The following VAV3 variants were observed in gnomAD, a reference collection of about 807,000 sequenced individuals.
The protein encoded by VAV3 is vav guanine nucleotide exchange factor 3, also known as guanine nucleotide exchange factor VAV3.
Under a neutral mutation model 131.2 loss-of-function variants are expected in VAV3, and 94 were observed. The ratio of observed to expected loss-of-function variants is 0.72; its 90% CI spans 0.61 to 0.85. VAV3 has a LOEUF of 0.85. Among genes scored for constraint, VAV3 ranks in the 40% least tolerant of loss-of-function variants. The pLI, the probability that VAV3 is intolerant of heterozygous loss-of-function variation, is 0.00. For synonymous variants in VAV3, 349 were observed against 342.0 expected, an observed-to-expected ratio of 1.02 and a Z score of -0.22; for missense variants, 939 against 1,002.7, an observed-to-expected ratio of 0.94 and a Z score of 0.86.
intron 21 of VAV3, among the ~76,000 whole-genome samples, chr1:107,617,080 T>G (rs561387671): frequency 6.6e-6 from 1 of 152,274 alleles, no homozygotes; most frequent in East Asian, 1.9e-4. Context: ...TTCAGAAAAT[T>G]CCATTATGAC....
intron 1 of VAV3, among the ~76,000 whole-genome samples, chr1:107,880,988 G>C (rs532544512): frequency 3.3e-5 from 5 of 152,100 alleles, no homozygotes; most frequent in Non-Finnish European, 7.4e-5. Flanking sequence ...CACATACTGA[G>C]GCTTAGAGAT....
At chr1:107,701,197 T>G (rs1660108985) in intron 17 of VAV3, among the ~76,000 whole-genome samples, 1 of 152,168 alleles carries the variant, frequency 6.6e-6, no homozygotes, top group Admixed American at 6.5e-5. Flanking sequence ...TAGACTCTGG[T>G]TATTAGATCT....
intron 1 of VAV3, among the ~76,000 whole-genome samples, chr1:107,962,602 T>C (rs989266411): frequency 5.3e-5 from 8 of 152,204 alleles, no homozygotes; most frequent in Non-Finnish European, 1.2e-4. Flanking sequence ...AGCATCCACT[T>C]GTTCAGCAGC....
intron 2 of VAV3, among the ~76,000 whole-genome samples, chr1:107,782,145 TAAC>T (rs1665724027): frequency 6.6e-6 from 1 of 152,200 alleles, no homozygotes; most frequent in Admixed American, 6.5e-5. Flanking sequence ...CACTACTTAA[TAAC>T]AAGAAAAATA....
intron 9 of VAV3, among the ~76,000 whole-genome samples, chr1:107,764,135 C>A (rs906443010): frequency 1.3e-5 from 2 of 150,164 alleles, no homozygotes; most frequent in African/African-American, 4.9e-5. Flanking sequence ...TACAAAAAAA[C>A]ACGACTTAAC....
intron 1 of VAV3, among the ~76,000 whole-genome samples, chr1:107,920,150 C>A (rs1672825447): frequency 2.6e-5 from 4 of 152,176 alleles, no homozygotes; most frequent in Admixed American, 2.0e-4. Context: ...ACTTCAAGAT[C>A]TATAACTCAC....
chr1:107,918,430 A>C (rs1349981241), intron 1 of VAV3, among the ~76,000 whole-genome samples: 1 of 152,142 alleles, frequency 6.6e-6, no homozygotes, highest in Non-Finnish European at 1.5e-5. Context: ...AGAGTATTTA[A>C]TGTTTCAAAA....
intron 2 of VAV3, among the ~76,000 whole-genome samples, chr1:107,799,559 T>G (rs1362660772): frequency 2.0e-4 from 31 of 152,134 alleles, no homozygotes; most frequent in Admixed American, 2.0e-3. Flanking sequence ...CTTGAAAAAT[T>G]TTTATTGATG....
rs192358209 is a variant in VAV3 at position 107,788,050 on chromosome 1, G to A, written c.322-8558C>T. ...CCTATCAGTCAATTCATCCTTTTCA[G>A]ACTCTCTCAGATCCAATCCCTTCTC... On this transcript the variant is annotated intron_variant, in intron 2 of 26. Coordinates refer to ENST00000370056, the MANE Select transcript of VAV3 (RefSeq NM_006113.5). Among the ~76,000 whole-genome samples the A allele has an allele frequency of 4.6e-5, 7 of 152,114 alleles. No individual in the cohort carries two copies. In the East Asian group the frequency reaches 1.4e-3, roughly 29 times the overall value.
rs773119216 is a variant in VAV3 at position 107,705,095 on chromosome 1, A to G, written c.1503-34T>C. The G allele has an allele frequency of 2.6e-6, 4 of 1,529,652 alleles. No individual in the cohort carries two copies. The South Asian group carries it at 4.6e-5, about 18-fold the overall frequency. 94.8% of individuals were successfully genotyped at this position (1,529,652 alleles called of 1,614,324 possible). A position where few individuals can be genotyped will look rare whatever the true frequency, so the allele number is the denominator to read the frequency against. ...AGGAAAAAAATAACTTTCTATAGAA[A>G]GTTTCACAACAAAGCTGCAATTTAG... is the stretch of plus-strand genomic sequence containing the variant. On this transcript the variant is annotated intron_variant, in intron 15 of 26. Coordinates refer to ENST00000370056, the MANE Select transcript of VAV3 (RefSeq NM_006113.5).
intron 19 of VAV3, among the ~76,000 whole-genome samples, chr1:107,670,773 C>T (rs1299192695): frequency 2.0e-5 from 3 of 152,116 alleles, no homozygotes; most frequent in Non-Finnish European, 4.4e-5. Flanking sequence ...TTAAGTCACA[C>T]TACAAATATG....
At chr1:107,829,390 A>T (rs908887886) in intron 2 of VAV3, among the ~76,000 whole-genome samples, 3 of 152,226 alleles carry the variant, frequency 2.0e-5, no homozygotes, top group African/African-American at 7.2e-5. Context: ...TAAAAATACA[A>T]AGTCATTACC....
At chr1:107,683,001 G>A (rs909736041) in intron 19 of VAV3, among the ~76,000 whole-genome samples, 6 of 152,112 alleles carry the variant, frequency 3.9e-5, no homozygotes, top group South Asian at 2.1e-4. Context: ...ATTGGTCTCC[G>A]GAGAGGAAAC....
chr1:107,835,827 T>C (rs1245712278), intron 2 of VAV3, among the ~76,000 whole-genome samples: 8 of 152,142 alleles, frequency 5.3e-5, no homozygotes, highest in Non-Finnish European at 1.0e-4. Flanking sequence ...CCTATGGACA[T>C]ACTCCACAAC....
intron 19 of VAV3, among the ~76,000 whole-genome samples, chr1:107,665,968 A>G (rs1038595409): frequency 1.3e-5 from 2 of 152,192 alleles, no homozygotes; most frequent in Admixed American, 6.5e-5. Context: ...GAAAAAGGAA[A>G]CTATTCCAGA....
chr1:107,808,180 T>A (rs781128882), intron 2 of VAV3, among the ~76,000 whole-genome samples: 67 of 152,164 alleles, frequency 4.4e-4, no homozygotes, highest in Non-Finnish European at 8.7e-4. Context: ...AACATTTCCA[T>A]CTTTAGTAGA....
intron 2 of VAV3, among the ~76,000 whole-genome samples, chr1:107,827,270 A>C (rs1668057871): frequency 6.6e-6 from 1 of 152,178 alleles, no homozygotes; most frequent in Non-Finnish European, 1.5e-5. Context: ...TTTGACACTT[A>C]GTTCTTCCCT....
intron 1 of VAV3, among the ~76,000 whole-genome samples, chr1:107,905,553 C>T (rs1672064618): frequency 6.6e-6 from 1 of 152,054 alleles, no homozygotes; most frequent in Admixed American, 6.6e-5. Flanking sequence ...ATCTAGAATA[C>T]TTTTTATGAA....
intron 2 of VAV3, among the ~76,000 whole-genome samples, chr1:107,834,250 A>T (rs1271036741): frequency 6.6e-6 from 1 of 152,214 alleles, no homozygotes; most frequent in Non-Finnish European, 1.5e-5. Context: ...CCCGTAAATT[A>T]TTCCAAAACC....
Sources: gnomAD v4.1 joint callset for allele counts (sites outside exome capture counted in the v4.1 genomes callset) on GRCh38, gnomAD v4.1.1 for gene constraint, MANE v1.5 for transcripts, NCBI Gene and HGNC (gene_info 2026-07-23, HGNC 2026-07-21) for gene names.